FBXW7: variants seen among roughly 807,000 people sequenced by gnomAD.
The protein encoded by FBXW7 is F-box/WD repeat-containing protein 7.
A neutral mutation model predicts 86.3 loss-of-function variants in FBXW7; 11 were observed. The ratio of observed to expected loss-of-function variants is 0.13; its 90% CI spans 0.08 to 0.21. The LOEUF is 0.21. Among genes scored for constraint, FBXW7 ranks in the 10% least tolerant of loss-of-function variants. The probability of loss-of-function intolerance (pLI) is 1.00; values close to 1 mark genes in which losing one functional copy is unlikely to be tolerated. For missense variants in FBXW7, 488 were observed against 847.4 expected (o/e 0.58, Z 5.27); for synonymous variants, 313 against 297.9 (o/e 1.05, Z -0.52).
At chr4:152,376,109 T>C (rs1391130170) in intron 4 of FBXW7, among the ~76,000 whole-genome samples, 6 of 152,138 alleles carry the variant, frequency 3.9e-5, no homozygotes, top group Admixed American at 2.6e-4. Context: ...GTGAGATTAC[T>C]AATAATTTAG....
chr4:152,457,495 T>A (rs1579253757), intron 2 of FBXW7, among the ~76,000 whole-genome samples: 1 of 151,740 alleles, frequency 6.6e-6, no homozygotes, highest in African/African-American at 2.4e-5. Context: ...ACAAAAAAAA[T>A]TAGCTGGGCG....
At chr4:152,529,001 C>A (rs923562438) in intron 2 of FBXW7, among the ~76,000 whole-genome samples, 2 of 151,820 alleles carry the variant, frequency 1.3e-5, no homozygotes, top group African/African-American at 4.8e-5. Flanking sequence ...AGTCTAAGAA[C>A]AGGACAAATT....
chr4:152,369,978 T>C (rs1455803840), intron 4 of FBXW7, among the ~76,000 whole-genome samples: 1 of 151,916 alleles, frequency 6.6e-6, no homozygotes, highest in Non-Finnish European at 1.5e-5. Context: ...AAAAGCAAGA[T>C]ATAGTTATGT....
intron 2 of FBXW7, among the ~76,000 whole-genome samples, chr4:152,514,267 G>A (rs572121370): frequency 4.6e-5 from 7 of 152,104 alleles, no homozygotes; most frequent in South Asian, 2.1e-4. Context: ...TTTCTCTTAC[G>A]TTCTAAGAAG....
intron 4 of FBXW7, among the ~76,000 whole-genome samples, chr4:152,397,266 T>C (rs1364483757): frequency 6.6e-6 from 1 of 151,978 alleles, no homozygotes; most frequent in South Asian, 2.1e-4. Context: ...CTAAAGTATA[T>C]CTAAGGAAGA....
rs749772265 is a variant in FBXW7, at chr4:152,324,398, C to T, written c.1645-4G>A. ...TCACCACATGGATACCATCAAACTA[C>T]AAAAGACACAGTTTATTAGAATAGA... On this transcript the variant is annotated splice_region_variant and splice_polypyrimidine_tract_variant and intron_variant, in intron 12 of 13. Coordinates refer to ENST00000281708, the MANE Select transcript of FBXW7 (RefSeq NM_001349798.2). 6.4e-7 allele frequency: 1 copy of T among 1,574,168 alleles called. No individual in the cohort carries two copies. Among genetic ancestry groups the T allele is most frequent in the South Asian group, 1.1e-5 (1 of 87,372 alleles).
intron 2 of FBXW7, among the ~76,000 whole-genome samples, chr4:152,449,592 A>C (rs1027006971): frequency 6.6e-6 from 1 of 152,240 alleles, no homozygotes; most frequent in Non-Finnish European, 1.5e-5. Flanking sequence ...GGTACTGACC[A>C]CAAGTAAAAA....
chr4:152,378,342 G>A (rs112595966), intron 4 of FBXW7, among the ~76,000 whole-genome samples: 2 of 152,254 alleles, frequency 1.3e-5, no homozygotes, highest in East Asian at 3.9e-4. Context: ...AACGTCAGTT[G>A]TATATTTCAC....
intron 2 of FBXW7, among the ~76,000 whole-genome samples, chr4:152,483,893 G>A (rs1352108363): frequency 1.3e-5 from 2 of 151,872 alleles, no homozygotes; most frequent in Non-Finnish European, 2.9e-5. Flanking sequence ...TAACAATACT[G>A]GTCTTTATTT....
chr4:152,434,960 C>T (rs1015875892), intron 2 of FBXW7, among the ~76,000 whole-genome samples: 1 of 49,664 alleles, frequency 2.0e-5, no homozygotes, highest in African/African-American at 2.4e-4. Flanking sequence ...CCCCCCGCTC[C>T]CCCCCCCCCA....
intron 6 of FBXW7, among the ~76,000 whole-genome samples, chr4:152,339,057 G>A (rs971404736): frequency 2.6e-5 from 4 of 152,094 alleles, no homozygotes; most frequent in Non-Finnish European, 5.9e-5. Context: ...TTACCCATGT[G>A]GAATCTACAA....
At chr4:152,353,044 G>A (rs761540146) in intron 4 of FBXW7, 848 of 1,156,238 alleles carry the variant, frequency 7.3e-4, no homozygotes, top group Non-Finnish European at 8.6e-4. Context: ...AAACTTTCAA[G>A]AGGTTATTTT....
At chr4:152,367,911 AC>A (rs768095794) in intron 4 of FBXW7, among the ~76,000 whole-genome samples, 203 of 152,180 alleles carry the variant, frequency 1.3e-3, no homozygotes, top group Middle Eastern at 0.01. Context: ...GAAAAAACAT[AC>A]TAATATAAAG....
At chr4:152,534,839 T>TA (rs1554004981) in intron 2 of FBXW7, 102 bp downstream of exon 2, 1 of 152,260 alleles carries the variant, frequency 6.6e-6, no homozygotes, top group East Asian at 1.9e-4. Context: ...CCCTCATTGA[T>TA]AGACTCCCAA....
chr4:152,359,836 T>A lies in FBXW7; in HGVS notation c.502-9712A>T, dbSNP rs13104667. ...ACTGGACTATATATCAATTGCCAAA[T>A]TGGGTGGAGTGAGTCAGAAAATGGA... On this transcript the variant is annotated intron_variant, in intron 4 of 13. Transcript: ENST00000281708. Among the ~76,000 whole-genome samples the A allele has an allele frequency of 5.3e-5, 8 of 152,018 alleles. No individual in the cohort carries two copies. The East Asian group carries it at 1.3e-3, about 26-fold the overall frequency.
chr4:152,395,816 T>C (rs927893507), intron 4 of FBXW7, among the ~76,000 whole-genome samples: 7 of 152,080 alleles, frequency 4.6e-5, no homozygotes, highest in Non-Finnish European at 1.0e-4. Flanking sequence ...TCAAGAATAA[T>C]AGTCCATTCT....
chr4:152,402,480 G>T (rs1737035223), intron 4 of FBXW7, among the ~76,000 whole-genome samples: 2 of 152,126 alleles, frequency 1.3e-5, no homozygotes. Flanking sequence ...AGCTTTATAG[G>T]TTATTTCATC....
chr4:152,420,750 T>C (rs769701814), intron 2 of FBXW7, among the ~76,000 whole-genome samples: 3 of 151,694 alleles, frequency 2.0e-5, no homozygotes, highest in Non-Finnish European at 3.0e-5. Flanking sequence ...CTGAGAGCAG[T>C]AGGACTCAAG....
At chr4:152,346,069 T>C (rs1731234692) in intron 6 of FBXW7, among the ~76,000 whole-genome samples, 1 of 152,192 alleles carries the variant, frequency 6.6e-6, no homozygotes, top group African/African-American at 2.4e-5. Context: ...CCATGTATTT[T>C]GCTAAACACT....
Sources: gnomAD v4.1 joint callset for allele counts (sites outside exome capture counted in the v4.1 genomes callset) on GRCh38, gnomAD v4.1.1 for gene constraint, MANE v1.5 for transcripts, NCBI Gene and HGNC (gene_info 2026-07-23, HGNC 2026-07-21) for gene names.